L1TD1: variants seen among roughly 807,000 people sequenced by gnomAD.
The protein encoded by L1TD1 is LINE1 type transposase domain containing 1, also known as LINE-1 type transposase domain-containing protein 1.
L1TD1 carries 26 observed loss-of-function variants against 25.7 expected under a neutral mutation model. That is an observed-to-expected ratio of 1.01 (90% confidence interval 0.74 to 1.40). The LOEUF is 1.40. Ranked by LOEUF, L1TD1 falls within the 40% of genes most tolerant of loss-of-function variation. The pLI is 0.00. For synonymous variants in L1TD1, 421 were observed against 335.6 expected (o/e 1.25, Z -2.78); for missense variants, 1,130 against 975.0 (o/e 1.16, Z -2.12).
chr1:62,203,242 T>G (rs963257212), intron 2 of L1TD1, among the ~76,000 whole-genome samples: 2 of 132,706 alleles, frequency 1.5e-5, no homozygotes, highest in African/African-American at 5.0e-5. Context: ...CCTCAAACAT[T>G]TATCATTTCT....
Position 62,207,146 on chromosome 1 carries a change from G to A in L1TD1, c.518G>A (p.Ser173Asn). The A allele has an allele frequency of 6.4e-7, 1 of 1,570,508 alleles. No individual in the cohort carries two copies. Among genetic ancestry groups the A allele is most frequent in the South Asian group, 1.2e-5 (1 of 86,692 alleles). The change falls in exon 3 of 4, where the codon AGT becomes AAT. Residue 173 changes from serine to asparagine, a missense_variant. Physicochemically the swap from Ser to Asn is conservative, Grantham distance 46. Transcript: ENST00000498273. ...TCACGAAGTTACGAAGTCATGGGAA[G>A]TATGGAAGAAACCTTATGCAATATA... is the stretch of plus-strand genomic sequence containing the variant. ...GESRSYEVMG[S>N]MEETLCNIDD...
intron 2 of L1TD1, among the ~76,000 whole-genome samples, chr1:62,205,441 A>T (rs771644619): frequency 0.42 from 21,201 of 50,588 alleles, 5,658 homozygotes; most frequent in African/African-American, 0.61. Context: ...ATATATATAT[A>T]TATTTTTTTT....
chr1:62,209,058 T>C (rs1010942815), intron 3 of L1TD1, among the ~76,000 whole-genome samples: 1 of 152,162 alleles, frequency 6.6e-6, no homozygotes, highest in African/African-American at 2.4e-5. Context: ...GGAGCCAACA[T>C]TTATATTGCA....
chr1:62,199,654 G>A (rs1011568310), intron 2 of L1TD1, among the ~76,000 whole-genome samples: 19 of 151,724 alleles, frequency 1.3e-4, no homozygotes, highest in Admixed American at 3.9e-4. Flanking sequence ...GTGTAGCCTC[G>A]GCAACATCGC....
At chr1:62,203,619 C>T (rs933355921) in intron 2 of L1TD1, among the ~76,000 whole-genome samples, 9 of 152,094 alleles carry the variant, frequency 5.9e-5, no homozygotes, top group Non-Finnish European at 1.2e-4. Context: ...CGCTCTGACG[C>T]TCAGGCTGGA....
intron 3 of L1TD1, chr1:62,208,146 C>T (rs1670788328): frequency 6.5e-6 from 1 of 153,178 alleles, no homozygotes; most frequent in Admixed American, 6.5e-5. Context: ...TTCTTGGCAG[C>T]TGGTTTCATC....
chr1:62,197,397 T>TTTATA (rs1269544269), intron 2 of L1TD1, among the ~76,000 whole-genome samples: 61 of 80,824 alleles, frequency 7.5e-4, no homozygotes, highest in Middle Eastern at 7.2e-3. Flanking sequence ...AAAAAATAAA[T>TTTATA]TATATATATA....
In L1TD1 at chr1:62,209,885, A is replaced by T. The variant is rs1232849270; in HGVS notation, c.1111A>T (p.Met371Leu). ...KEVKVAKPEE[M>L]KNLETQEEEF... is the part of the protein sequence containing the mutation. Reference sequence around the variant, plus strand: ...AGTAAAAGTTGCTAAGCCAGAGGAGATGAAAAACTTAGAGACTCAAGAGGA... The same window carrying T: ...AGTAAAAGTTGCTAAGCCAGAGGAGTTGAAAAACTTAGAGACTCAAGAGGA... The change falls in exon 4 of 4, where the codon ATG (methionine) becomes TTG (leucine). Residue 371 changes from methionine to leucine, a missense_variant. By Grantham distance (15) the Met-to-Leu change is conservative. Coordinates refer to ENST00000498273, the MANE Select transcript of L1TD1 (RefSeq NM_019079.5). The T allele has an allele frequency of 5.0e-6, 8 of 1,614,006 alleles. No homozygotes were observed. Among genetic ancestry groups the T allele is most frequent in the African/African-American group, 4.0e-5 (3 of 74,918 alleles).
Position 62,206,589 on chromosome 1 carries a change from G to A in L1TD1, c.-40G>A, listed in dbSNP as rs878914983. The A allele has an allele frequency of 7.1e-7, 1 of 1,407,490 alleles. No individual in the cohort carries two copies. The highest frequency in any genetic ancestry group is 9.3e-7 in the Non-Finnish European group (1 of 1,078,132). 87.2% of individuals were successfully genotyped at this position (1,407,490 alleles called of 1,614,324 possible). On this transcript the variant is annotated 5_prime_UTR_variant, in exon 3 of 4. Transcript: ENST00000498273. ...CTGTAAGAACAAAAATCATTCTGTA[G>A]GAATTAAAAACAGAATCCAGTCTTG...
chr1:62,205,189 A>C (rs1670711074), intron 2 of L1TD1, among the ~76,000 whole-genome samples: 2 of 151,142 alleles, frequency 1.3e-5, no homozygotes, highest in Admixed American at 1.3e-4. Flanking sequence ...TCCACTAAAA[A>C]TACAAAAAAA....
chr1:62,202,151 T>C (rs1301511590), intron 2 of L1TD1, among the ~76,000 whole-genome samples: 1 of 152,126 alleles, frequency 6.6e-6, no homozygotes, highest in Non-Finnish European at 1.5e-5. Flanking sequence ...AAGTACAAAA[T>C]TAGCCAGGCG....
At chr1:62,195,297 C>T (rs1670512461) in intron 1 of L1TD1, among the ~76,000 whole-genome samples, 1 of 152,232 alleles carries the variant, frequency 6.6e-6, no homozygotes, top group Non-Finnish European at 1.5e-5. Flanking sequence ...CAGTTGGCCC[C>T]CTCACTTGAC....
intron 2 of L1TD1, among the ~76,000 whole-genome samples, chr1:62,200,610 T>C (rs993022527): frequency 6.6e-6 from 1 of 152,160 alleles, no homozygotes; most frequent in Non-Finnish European, 1.5e-5. Flanking sequence ...CATTGTTTTC[T>C]AGTATTTTTT....
chr1:62,200,163 A>G (rs937564884), intron 2 of L1TD1, among the ~76,000 whole-genome samples: 4 of 152,120 alleles, frequency 2.6e-5, no homozygotes, highest in Admixed American at 6.6e-5. Flanking sequence ...GTATATATAT[A>G]TAACAATGTA....
intron 2 of L1TD1, among the ~76,000 whole-genome samples, chr1:62,200,431 A>T (rs1176847184): frequency 6.6e-6 from 1 of 152,174 alleles, no homozygotes; most frequent in African/African-American, 2.4e-5. Context: ...TTGGCCTTCC[A>T]AAGTGCAGGA....
Position 62,206,975 on chromosome 1 carries a change from T to C in L1TD1, c.347T>C (p.Val116Ala), listed in dbSNP as rs1225968005. ...TTAGCATTACAAAAAACAGGGATGG[T>C]AGGGAAAATAGAAGGAGAAAACTCT... ...INLALQKTGM[V>A]GKIEGENSKI... The change falls in exon 3 of 4, where the codon GTA (valine) becomes GCA (alanine). Residue 116 changes from valine to alanine, a missense_variant. Transcript: ENST00000498273. 1.9e-6 allele frequency: 3 copies of C among 1,613,136 alleles called. No individual in the cohort carries two copies. The highest frequency in any genetic ancestry group is 1.7e-5 in the Admixed American group (1 of 59,752).
At chr1:62,205,183 C>T (rs996678170) in intron 2 of L1TD1, among the ~76,000 whole-genome samples, 6 of 150,960 alleles carry the variant, frequency 4.0e-5, no homozygotes, top group South Asian at 4.2e-4. Context: ...CTCGTCTCCA[C>T]TAAAAATACA....
At chr1:62,202,948 G>T (rs892538387) in intron 2 of L1TD1, among the ~76,000 whole-genome samples, 110 of 152,018 alleles carry the variant, frequency 7.2e-4, no homozygotes, top group Non-Finnish European at 4.6e-4. Flanking sequence ...CTCCCAAAGT[G>T]CTGGGATTAC....
rs372808830 is a variant in L1TD1, at chr1:62,207,832, C to T, written c.1008+196C>T. 7.0e-4 allele frequency among the ~76,000 whole-genome samples: 107 copies of T among 152,284 alleles called. 2 individuals are homozygous for T. The South Asian group carries it at 0.022, about 31-fold the overall frequency. On this transcript the variant is annotated intron_variant, in intron 3 of 3. Coordinates refer to ENST00000498273, the MANE Select transcript of L1TD1 (RefSeq NM_019079.5). ...GGTTCAAGTGATTCTCCTGCCTTGG[C>T]CTCCCAAGTAGCTGGGATTACAGGC...
Sources: gnomAD v4.1 joint callset for allele counts (sites outside exome capture counted in the v4.1 genomes callset) on GRCh38, gnomAD v4.1.1 for gene constraint, MANE v1.5 for transcripts, NCBI Gene and HGNC (gene_info 2026-07-23, HGNC 2026-07-21) for gene names.